The following SHISA9 variants were observed in gnomAD, a reference collection of about 807,000 sequenced individuals.
The protein encoded by SHISA9 is protein shisa-9.
Under a neutral mutation model 38.0 loss-of-function variants are expected in SHISA9, and 13 were observed. The observed-to-expected ratio is 0.34, with a 90% confidence interval of 0.22 to 0.54. SHISA9 has a LOEUF of 0.54. SHISA9 is among the 20% of genes least tolerant of loss of function. The pLI, the probability that SHISA9 is intolerant of heterozygous loss-of-function variation, is 0.91. For synonymous variants in SHISA9, 275 were observed against 242.0 expected, an observed-to-expected ratio of 1.14 and a Z score of -1.27; for missense variants, 538 against 575.8, an observed-to-expected ratio of 0.93 and a Z score of 0.67.
At chr16:13,071,615 C>G (rs1197464330) in intron 2 of SHISA9, among the ~76,000 whole-genome samples, 2 of 139,710 alleles carry the variant, frequency 1.4e-5, no homozygotes, top group African/African-American at 5.6e-5. Context: ...TCTTCCCTTC[C>G]TTCCCTCCCT....
chr16:13,436,495 C>G, the SHISA9 span, among the ~76,000 whole-genome samples: 1 of 152,228 alleles, frequency 6.6e-6, no homozygotes, highest in Non-Finnish European at 1.5e-5. Flanking sequence ...ATAATCTACC[C>G]TTTGTGTAAC....
intron 2 of SHISA9, among the ~76,000 whole-genome samples, chr16:13,196,476 A>G (rs1321554316): frequency 1.3e-5 from 2 of 152,158 alleles, no homozygotes; most frequent in East Asian, 3.8e-4. Context: ...TGTCAAAGTC[A>G]TCAAAACAGG....
the SHISA9 span, among the ~76,000 whole-genome samples, chr16:13,287,623 T>C: frequency 3.9e-5 from 6 of 152,068 alleles, no homozygotes; most frequent in Non-Finnish European, 7.4e-5. Flanking sequence ...CTGGAAGGGA[T>C]AGTGGGAGTC....
intron 3 of SHISA9, among the ~76,000 whole-genome samples, chr16:13,210,096 G>C (rs1238640871): frequency 1.3e-5 from 2 of 152,092 alleles, no homozygotes; most frequent in Non-Finnish European, 2.9e-5. Context: ...GCGAGACTCT[G>C]TCTCAAAAAA....
At chr16:13,315,654 C>G in the SHISA9 span, among the ~76,000 whole-genome samples, 3 of 152,132 alleles carry the variant, frequency 2.0e-5, no homozygotes, top group Admixed American at 6.5e-5. Context: ...AATAGGATAC[C>G]TACCTCAAGG....
the SHISA9 span, among the ~76,000 whole-genome samples, chr16:13,469,318 GAGAGAAAGAAAGAAAGAA>G: frequency 1.0e-5 from 1 of 95,284 alleles, no homozygotes. Context: ...GAGAGAGAGA[GAGAGAAAGAAAGAAAGAA>G]AGAAAGAAAG....
chr16:13,194,904 T>C (rs1222779708), intron 2 of SHISA9, among the ~76,000 whole-genome samples: 1 of 152,198 alleles, frequency 6.6e-6, no homozygotes, highest in East Asian at 1.9e-4. Flanking sequence ...TTTATTATTC[T>C]TGGAGTGGGA....
the SHISA9 span, among the ~76,000 whole-genome samples, chr16:13,369,400 C>A: frequency 6.6e-6 from 1 of 152,048 alleles, no homozygotes; most frequent in African/African-American, 2.4e-5. Flanking sequence ...AATCTATATT[C>A]TTTTGTCTGT....
At position 13,065,742 on chromosome 16, in the gene SHISA9, A is replaced by C. The variant is rs79650735; in HGVS notation, c.692-137652A>C. Reference sequence around the variant, plus strand: ...CCGAACCAAGGTGTAAGTCCTTTGAATTTTCCAAGAAAGGCAGAAGCAAAG... The same window carrying C: ...CCGAACCAAGGTGTAAGTCCTTTGACTTTTCCAAGAAAGGCAGAAGCAAAG... On this transcript the variant is annotated intron_variant, in intron 2 of 4. Transcript: ENST00000558583. 2.3e-3 allele frequency among the ~76,000 whole-genome samples: 350 copies of C among 152,298 alleles called. 2 individuals carry two copies. Among genetic ancestry groups the C allele is most frequent in the South Asian group, 7.7e-3 (37 of 4,830 alleles).
intron 2 of SHISA9, among the ~76,000 whole-genome samples, chr16:13,050,014 T>C (rs1047776057): frequency 3.3e-5 from 5 of 152,148 alleles, no homozygotes; most frequent in African/African-American, 1.2e-4. Flanking sequence ...TCTAAAGAAA[T>C]CATCTTGGAG....
At chr16:13,200,750 C>G (rs1196359698) in intron 2 of SHISA9, among the ~76,000 whole-genome samples, 1 of 135,224 alleles carries the variant, frequency 7.4e-6, no homozygotes, top group Non-Finnish European at 1.6e-5. Flanking sequence ...CAGACGTTGG[C>G]CAAAGACTGG....
intron 2 of SHISA9, among the ~76,000 whole-genome samples, chr16:12,926,016 G>A (rs1032386560): frequency 3.9e-5 from 6 of 152,196 alleles, no homozygotes; most frequent in South Asian, 2.1e-4. Flanking sequence ...GTGAGCCACC[G>A]TGCCTGGACT....
chr16:13,319,212 T>C, the SHISA9 span, among the ~76,000 whole-genome samples: 118 of 152,304 alleles, frequency 7.7e-4, no homozygotes, highest in African/African-American at 2.5e-3. Flanking sequence ...TTTCACCGTA[T>C]TGGCCAGGCT....
chr16:13,174,983 G>C (rs17832881), intron 2 of SHISA9, among the ~76,000 whole-genome samples: 2,697 of 152,290 alleles, frequency 0.018, 42 homozygotes, highest in Non-Finnish European at 0.027. Context: ...CACAAAAAGA[G>C]GCTTGCATTT....
the SHISA9 span, among the ~76,000 whole-genome samples, chr16:13,422,398 T>TA: frequency 1.3e-5 from 2 of 152,174 alleles, no homozygotes; most frequent in Admixed American, 6.5e-5. Flanking sequence ...CTGACTGATA[T>TA]AAGACAATTG....
intron 2 of SHISA9, among the ~76,000 whole-genome samples, chr16:13,127,647 C>T (rs2050273345): frequency 6.6e-6 from 1 of 152,128 alleles, no homozygotes; most frequent in South Asian, 2.1e-4. Flanking sequence ...AAGATGCACT[C>T]TTAAGCTGTA....
rs2051412262 is a variant in SHISA9 at position 13,238,975 on chromosome 16, T to G, written c.*3566T>G. 1 of 107,464 alleles carries G rather than the reference T, an allele frequency of 9.3e-6. No individual in the cohort carries two copies. The highest frequency in any genetic ancestry group is 3.6e-5 in the African/African-American group (1 of 28,026). The allele number at this position is 107,464 out of a possible 1,614,324, so 6.7% of individuals were successfully genotyped here. On this transcript the variant is annotated 3_prime_UTR_variant, in exon 5 of 5. Coordinates refer to ENST00000558583, the MANE Select transcript of SHISA9 (RefSeq NM_001145204.3). Reference sequence around the variant, plus strand: ...GCATTAGCTATATCTCCTAATGCTATCCCTCCCCCCTCCCCCCACCCCACA... The same window carrying G: ...GCATTAGCTATATCTCCTAATGCTAGCCCTCCCCCCTCCCCCCACCCCACA...
chr16:13,187,853 A>T (rs2050843105), intron 2 of SHISA9, among the ~76,000 whole-genome samples: 1 of 152,180 alleles, frequency 6.6e-6, no homozygotes, highest in Admixed American at 6.5e-5. Flanking sequence ...CACGTTGACC[A>T]TGTGCAGCTT....
intron 2 of SHISA9, among the ~76,000 whole-genome samples, chr16:13,086,930 A>G (rs1882600897): frequency 6.6e-6 from 1 of 152,154 alleles, no homozygotes; most frequent in South Asian, 2.1e-4. Context: ...TATCATTTAC[A>G]TTAGGTATTT....
Sources: gnomAD v4.1 joint callset for allele counts (sites outside exome capture counted in the v4.1 genomes callset) on GRCh38, gnomAD v4.1.1 for gene constraint, MANE v1.5 for transcripts, NCBI Gene and HGNC (gene_info 2026-07-23, HGNC 2026-07-21) for gene names.